RWDD2A: variants seen among roughly 807,000 people sequenced by gnomAD.
RWDD2A encodes RWD domain containing 2A, also known as RWD domain-containing protein 2A.
A neutral mutation model predicts 23.1 loss-of-function variants in RWDD2A; 15 were observed. That is an observed-to-expected ratio of 0.65 (90% CI 0.43 to 1.00). The LOEUF is 1.00. Ranked by LOEUF, RWDD2A falls within the 50% of genes least tolerant of loss-of-function variation. The pLI is 0.00. For missense variants in RWDD2A, 310 were observed against 341.7 expected, an observed-to-expected ratio of 0.91 and a Z score of 0.73; for synonymous variants, 103 against 123.0, an observed-to-expected ratio of 0.84 and a Z score of 1.08.
In RWDD2A at chr6:83,196,742, A is replaced by T. The variant is rs1034592289; in HGVS notation, c.*470A>T. The T allele has an allele frequency of 3.3e-5, 5 of 152,218 alleles. No homozygotes were observed. Among genetic ancestry groups the T allele is most frequent in the African/African-American group, 1.2e-4 (5 of 41,432 alleles). 9.4% of individuals were successfully genotyped at this position (152,218 alleles called of 1,614,324 possible). A position where few individuals can be genotyped will look rare whatever the true frequency, so the allele number is the denominator to read the frequency against. ...AAGGACATGTTTACTTCCTTTTTTG[A>T]GACGGTGCGATCTCGGCTCACTGCA... On this transcript the variant is annotated 3_prime_UTR_variant, in exon 3 of 3. Transcript: ENST00000369724.
Position 83,198,637 on chromosome 6 carries a change from C to T in RWDD2A, c.*2365C>T, listed in dbSNP as rs1583317264. On this transcript the variant is annotated 3_prime_UTR_variant, in exon 3 of 3. Coordinates refer to ENST00000369724, the MANE Select transcript of RWDD2A (RefSeq NM_033411.5). ...TTTGGGAAGAGAAAGTGATAGGAAT[C>T]AAGTTGTCCTCTGGCAGCCTCCTGG... The T allele has an allele frequency of 6.6e-6, 1 of 152,168 alleles. No individual in the cohort carries two copies. The highest frequency in any genetic ancestry group is 6.5e-5 in the Admixed American group (1 of 15,280). The allele number at this position is 152,168 out of a possible 1,614,324, so 9.4% of individuals were successfully genotyped here. A position where few individuals can be genotyped will look rare whatever the true frequency, so the allele number is the denominator to read the frequency against.
In RWDD2A at chr6:83,194,337, A is replaced by T; in HGVS notation, c.-115A>T. ...CTCTCGGTGCAAAGCGTTCCTGCAG[A>T]ATTGCTTCCACGTAAAGGGACCTTC... On this transcript the variant is annotated 5_prime_UTR_variant, in exon 2 of 3. Coordinates refer to ENST00000369724, the MANE Select transcript of RWDD2A (RefSeq NM_033411.5). 2 of 824,100 alleles carry T rather than the reference A, an allele frequency of 2.4e-6. No individual in the cohort carries two copies. The highest frequency in any genetic ancestry group is 1.9e-6 in the Non-Finnish European group (1 of 530,020). 51.0% of individuals were successfully genotyped at this position (824,100 alleles called of 1,614,324 possible). A position where few individuals can be genotyped will look rare whatever the true frequency, so the allele number is the denominator to read the frequency against.
In RWDD2A at chr6:83,196,451, A is replaced by G. The variant is rs1169812497; in HGVS notation, c.*179A>G. 5.0e-6 allele frequency: 2 copies of G among 399,644 alleles called. No homozygotes were observed. Among genetic ancestry groups the G allele is most frequent in the Non-Finnish European group, 8.8e-6 (2 of 228,314 alleles). 24.8% of individuals were successfully genotyped at this position (399,644 alleles called of 1,614,324 possible). A position where few individuals can be genotyped will look rare whatever the true frequency, so the allele number is the denominator to read the frequency against. Reference sequence around the variant, plus strand: ...TGAATAGGCCTTTAAACTTTATAACATTGCAATTGTGATGTTATCTCTAGG... The same window carrying G: ...TGAATAGGCCTTTAAACTTTATAACGTTGCAATTGTGATGTTATCTCTAGG... On this transcript the variant is annotated 3_prime_UTR_variant, in exon 3 of 3. Transcript: ENST00000369724.
Position 83,195,696 on chromosome 6 carries a change from T to C in RWDD2A, c.303T>C (p.Leu101=). 2 of 1,614,226 alleles carry C rather than the reference T, an allele frequency of 1.2e-6. No homozygotes were observed. Among genetic ancestry groups the C allele is most frequent in the East Asian group, 2.2e-5 (1 of 44,880 alleles). The change falls in exon 3 of 3, where the codon CTT becomes CTC. Residue 101 remains leucine (L), a synonymous_variant. Coordinates refer to ENST00000369724, the MANE Select transcript of RWDD2A (RefSeq NM_033411.5). Reference sequence around the variant, plus strand: ...AACTTGACAGACATCAGCAGCTACTTCTCAACAAAGGTCTCACTTCTTACA... The same window carrying C: ...AACTTGACAGACATCAGCAGCTACTCCTCAACAAAGGTCTCACTTCTTACA... ...SSELDRHQQL[L]LNKGLTSYIG... is the part of the protein sequence containing the mutation.
At position 83,197,086 on chromosome 6, in the gene RWDD2A, A is replaced by G. The variant is rs1277358740; in HGVS notation, c.*814A>G. On this transcript the variant is annotated 3_prime_UTR_variant, in exon 3 of 3. Transcript: ENST00000369724. The stretch of plus-strand genomic sequence containing the variant: ...GGACTCATAGACATGAAGTCCCACG[A>G]GTTAAAAGATGACACACAATGCTAT... 6.6e-6 allele frequency: 1 copy of G among 152,242 alleles called. No homozygotes were observed. Among genetic ancestry groups the G allele is most frequent in the Non-Finnish European group, 1.5e-5 (1 of 68,042 alleles). 9.4% of individuals were successfully genotyped at this position (152,242 alleles called of 1,614,324 possible).
intron 1 of RWDD2A, 44 bp from the exon 2 acceptor site, chr6:83,194,268 T>A: frequency 1.7e-6 from 1 of 577,672 alleles, no homozygotes. Context: ...GATTTTGGAG[T>A]CAGGAAATAA....
chr6:83,196,909 A>G lies in RWDD2A; in HGVS notation c.*637A>G, dbSNP rs1353358009. The G allele has an allele frequency of 6.6e-6, 1 of 152,202 alleles. No individual in the cohort carries two copies. 9.4% of individuals were successfully genotyped at this position (152,202 alleles called of 1,614,324 possible). A position where few individuals can be genotyped will look rare whatever the true frequency, so the allele number is the denominator to read the frequency against. On this transcript the variant is annotated 3_prime_UTR_variant, in exon 3 of 3. Transcript: ENST00000369724. ...CATCATGTTGGCTAGGATGGTCTCA[A>G]TCTCTTAACCTCGTGATCTGCCTGC...
rs375351592 is a variant in RWDD2A at position 83,196,581 on chromosome 6, C to G, written c.*309C>G. On this transcript the variant is annotated 3_prime_UTR_variant, in exon 3 of 3. Coordinates refer to ENST00000369724, the MANE Select transcript of RWDD2A (RefSeq NM_033411.5). ...TTGAAGAGGAATCCAAAGCCCATAA[C>G]TAACATCAAAAATCAAACTGCAATT... is the stretch of plus-strand genomic sequence containing the variant. 1 of 186,020 alleles carries G rather than the reference C, an allele frequency of 5.4e-6. No homozygotes were observed. Among genetic ancestry groups the G allele is most frequent in the East Asian group, 1.3e-4 (1 of 7,974 alleles). 11.5% of individuals were successfully genotyped at this position (186,020 alleles called of 1,614,324 possible).
intron 1 of RWDD2A, 122 bp from the exon 2 acceptor site, chr6:83,194,190 G>A: frequency 5.2e-6 from 2 of 386,278 alleles, no homozygotes; most frequent in South Asian, 8.8e-5. Context: ...CGGGAGGCGG[G>A]AACCCGGAGC....
intron 1 of RWDD2A, among the ~76,000 whole-genome samples, 192 bp downstream of exon 1, chr6:83,193,635 C>T (rs1303906988): frequency 6.6e-6 from 1 of 152,142 alleles, no homozygotes; most frequent in Non-Finnish European, 1.5e-5. Context: ...CGTCGCTGGG[C>T]CTCGGACAGG....
intron 2 of RWDD2A, among the ~76,000 whole-genome samples, chr6:83,195,301 C>A (rs577840971): frequency 2.0e-4 from 30 of 152,198 alleles, no homozygotes; most frequent in Non-Finnish European, 4.1e-4. Context: ...AAATTAAATA[C>A]TTGCTATATG....
Position 83,197,597 on chromosome 6 carries a change from G to A in RWDD2A, c.*1325G>A, listed in dbSNP as rs549105367. 4.6e-5 allele frequency: 7 copies of A among 152,346 alleles called. No homozygotes were observed. The highest frequency in any genetic ancestry group is 3.3e-4 in the Admixed American group (5 of 15,292). The allele number at this position is 152,346 out of a possible 1,614,324, so 9.4% of individuals were successfully genotyped here. ...GTCAGCTACTGCTGCCCTTTCCCGG[G>A]AGGCATTCCATTCTCCTACTGGGTC... On this transcript the variant is annotated 3_prime_UTR_variant, in exon 3 of 3. Coordinates refer to ENST00000369724, the MANE Select transcript of RWDD2A (RefSeq NM_033411.5).
chr6:83,195,229 C>T (rs1308708714), intron 2 of RWDD2A, among the ~76,000 whole-genome samples: 1 of 152,226 alleles, frequency 6.6e-6, no homozygotes, highest in African/African-American at 2.4e-5. Flanking sequence ...TGGATTCTGT[C>T]CCGCTGGTTA....
chr6:83,193,929 C>T (rs1169904129), intron 1 of RWDD2A: 2 of 152,466 alleles, frequency 1.3e-5, no homozygotes. Context: ...GGGGGCGGTC[C>T]GCGAGTCCAG....
rs762124633 is a variant in RWDD2A, at chr6:83,196,139, C to T, written c.746C>T (p.Ala249Val). Residue 249 changes from alanine (A) to valine (V), a missense_variant, in exon 3 of 3, where the codon GCT becomes GTT. Ala to Val is a moderately conservative substitution (Grantham distance 64). Transcript: ENST00000369724. ...FHSFEELLLE[A>V]HGDYGLRNDY... ...TCTTTTGAAGAGTTACTCCTTGAGG[C>T]TCATGGTGACTATGGATTAAGGAAT... 2 of 1,613,942 alleles carry T rather than the reference C, an allele frequency of 1.2e-6. No individual in the cohort carries two copies. The highest frequency in any genetic ancestry group is 1.7e-6 in the Non-Finnish European group (2 of 1,179,994).
At position 83,196,149 on chromosome 6, in the gene RWDD2A, C is replaced by CT; in HGVS notation, c.757dup (p.Tyr253LeufsTer6). 1 of 1,613,996 alleles carries CT rather than the reference C, an allele frequency of 6.2e-7. No homozygotes were observed. The highest frequency in any genetic ancestry group is 8.5e-7 in the Non-Finnish European group (1 of 1,179,968). On this transcript the variant is annotated frameshift_variant, in exon 3 of 3. Coordinates refer to ENST00000369724, the MANE Select transcript of RWDD2A (RefSeq NM_033411.5). LOFTEE classifies it high-confidence loss of function. ...AGTTACTCCTTGAGGCTCATGGTGA[C>CT]TATGGATTAAGGAATGACTATCACA...
Position 83,195,930 on chromosome 6 carries a change from A to C in RWDD2A, c.537A>C (p.Lys179Asn). ...DLRKKILDVG[K>N]RLDVTGFCMT... The stretch of plus-strand genomic sequence containing the variant: ...GGAAAAAGATTTTGGATGTTGGGAA[A>C]AGGTTAGATGTGACTGGATTTTGCA... The change falls in exon 3 of 3, where the codon AAA becomes AAC. Residue 179 changes from lysine to asparagine, a missense_variant. Lys to Asn is a moderately conservative substitution (Grantham distance 94, BLOSUM62 0). Coordinates refer to ENST00000369724, the MANE Select transcript of RWDD2A (RefSeq NM_033411.5). 1 of 1,614,224 alleles carries C rather than the reference A, an allele frequency of 6.2e-7. No individual in the cohort carries two copies. The highest frequency in any genetic ancestry group is 1.1e-5 in the South Asian group (1 of 91,086).
chr6:83,195,679 A>T lies in RWDD2A; in HGVS notation c.286A>T (p.Arg96Ter), dbSNP rs1010341058. 6.2e-7 allele frequency: 1 copy of T among 1,614,102 alleles called. No homozygotes were observed. Among genetic ancestry groups the T allele is most frequent in the Non-Finnish European group, 8.5e-7 (1 of 1,180,046 alleles). ...QLFGRSSELD[R>*]HQQLLLNKGL... ...GTTTGGACGGTCATCTGAACTTGAC[A>T]GACATCAGCAGCTACTTCTCAACAA... Residue 96 changes from arginine (R) to a stop codon, truncating the protein, a stop_gained, in exon 3 of 3, where the codon AGA (arginine) becomes TGA (stop). Coordinates refer to ENST00000369724, the MANE Select transcript of RWDD2A (RefSeq NM_033411.5). LOFTEE classifies it high-confidence loss of function.
At position 83,196,061 on chromosome 6, in the gene RWDD2A, A is replaced by T; in HGVS notation, c.668A>T (p.His223Leu). The T allele has an allele frequency of 6.2e-7, 1 of 1,613,744 alleles. No homozygotes were observed. Among genetic ancestry groups the T allele is most frequent in the Non-Finnish European group, 8.5e-7 (1 of 1,179,730 alleles). The change falls in exon 3 of 3, where the codon CAT (histidine) becomes CTT (leucine). Residue 223 changes from histidine to leucine, a missense_variant. Transcript: ENST00000369724. ...YPNWKHISCK[H>L]AESVETEGNG... ...AATTGGAAGCACATTTCCTGTAAGCATGCTGAAAGCGTGGAGACAGAAGGA... is the reference window on the plus strand; with the variant it reads ...AATTGGAAGCACATTTCCTGTAAGCTTGCTGAAAGCGTGGAGACAGAAGGA...
Sources: allele counts gnomAD v4.1 joint callset (sites outside exome capture counted in the v4.1 genomes callset), GRCh38; gene constraint gnomAD v4.1.1; transcripts MANE v1.5; gene names NCBI Gene and HGNC (gene_info 2026-07-23, HGNC 2026-07-21).